Variants in JARID2 observed in about 807,000 individuals in gnomAD.
JARID2 encodes jumonji and AT-rich interaction domain containing 2, also known as protein Jumonji.
A neutral mutation model predicts 125.6 loss-of-function variants in JARID2; 21 were observed. The observed-to-expected ratio is 0.17, with a 90% confidence interval of 0.12 to 0.24. The LOEUF is 0.24. JARID2 is among the 10% of genes least tolerant of loss of function. The pLI is 1.00. For synonymous variants in JARID2, 736 were observed against 661.6 expected, an observed-to-expected ratio of 1.11 and a Z score of -1.73; for missense variants, 1,303 against 1,639.6, an observed-to-expected ratio of 0.79 and a Z score of 3.55.
intron 2 of JARID2, among the ~76,000 whole-genome samples, chr6:15,377,004 T>C (rs1225398255): frequency 6.6e-6 from 1 of 152,220 alleles, no homozygotes; most frequent in African/African-American, 2.4e-5. Flanking sequence ...TATGCGTGTA[T>C]GTATATGCAT....
chr6:15,513,862 T>C (rs1771403740), intron 16 of JARID2, among the ~76,000 whole-genome samples: 1 of 152,252 alleles, frequency 6.6e-6, no homozygotes. Context: ...CCTTTGGCTC[T>C]GTTCTTGGTT....
At chr6:15,329,523 T>C (rs1762637413) in intron 1 of JARID2, among the ~76,000 whole-genome samples, 1 of 152,200 alleles carries the variant, frequency 6.6e-6, no homozygotes, top group South Asian at 2.1e-4. Context: ...ATGGCCTCTT[T>C]TGCTGTCCTT....
chr6:15,476,445 C>T (rs1044338766), intron 5 of JARID2, among the ~76,000 whole-genome samples: 2 of 152,228 alleles, frequency 1.3e-5, no homozygotes, highest in African/African-American at 4.8e-5. Flanking sequence ...TACCCTTCTT[C>T]CTCCGAGCAG....
intron 16 of JARID2, among the ~76,000 whole-genome samples, chr6:15,514,423 C>T (rs1771447234): frequency 6.6e-6 from 1 of 152,246 alleles, no homozygotes; most frequent in Non-Finnish European, 1.5e-5. Context: ...TGTGTGGTGC[C>T]TGTGTCCCAC....
intron 1 of JARID2, among the ~76,000 whole-genome samples, chr6:15,335,515 T>A (rs1762849021): frequency 6.6e-6 from 1 of 152,228 alleles, no homozygotes; most frequent in South Asian, 2.1e-4. Flanking sequence ...TTGACTGTTT[T>A]AGAAGTTCTC....
At chr6:15,272,595 C>A (rs755331167) in intron 1 of JARID2, among the ~76,000 whole-genome samples, 1 of 152,206 alleles carries the variant, frequency 6.6e-6, no homozygotes, top group Non-Finnish European at 1.5e-5. Context: ...GGAAACAAAG[C>A]AGGTAAAGGG....
intron 1 of JARID2, among the ~76,000 whole-genome samples, chr6:15,255,394 C>T (rs879489751): frequency 1.3e-5 from 2 of 152,078 alleles, no homozygotes; most frequent in African/African-American, 4.8e-5. Context: ...TGAGCCACTG[C>T]GCCTGGCCCA....
At chr6:15,256,337 C>A (rs988603543) in intron 1 of JARID2, among the ~76,000 whole-genome samples, 1 of 152,140 alleles carries the variant, frequency 6.6e-6, no homozygotes, top group African/African-American at 2.4e-5. Flanking sequence ...CTACCTCTGT[C>A]CTATATTAGC....
intron 1 of JARID2, among the ~76,000 whole-genome samples, chr6:15,368,887 C>T (rs1030913712): frequency 6.6e-6 from 1 of 152,098 alleles, no homozygotes; most frequent in Non-Finnish European, 1.5e-5. Flanking sequence ...GAAACTTGAC[C>T]GTGTACCAGA....
In JARID2 at chr6:15,496,268, C is replaced by G; in HGVS notation, c.1043C>G (p.Thr348Arg). The G allele has an allele frequency of 6.2e-7, 1 of 1,614,208 alleles. No homozygotes were observed. The highest frequency in any genetic ancestry group is 8.5e-7 in the Non-Finnish European group (1 of 1,180,042). The change falls in exon 7 of 18, where the codon ACA becomes AGA. Residue 348 changes from threonine to arginine, a missense_variant. Coordinates refer to ENST00000341776, the MANE Select transcript of JARID2 (RefSeq NM_004973.4). ...YTATVTKGAV[T>R]YTKAKRELVK... ...GCCACGGTGACGAAGGGGGCTGTCACATACACCAAAGCCAAGAGAGAACTG... is the reference window on the plus strand; with the variant it reads ...GCCACGGTGACGAAGGGGGCTGTCAGATACACCAAAGCCAAGAGAGAACTG...
At chr6:15,338,597 A>G (rs1457160829) in intron 1 of JARID2, among the ~76,000 whole-genome samples, 1 of 152,198 alleles carries the variant, frequency 6.6e-6, no homozygotes, top group Non-Finnish European at 1.5e-5. Context: ...TTGCTGTCTC[A>G]GGGAAGGCTG....
chr6:15,290,188 G>C (rs544189924), intron 1 of JARID2, among the ~76,000 whole-genome samples: 1 of 152,264 alleles, frequency 6.6e-6, no homozygotes, highest in East Asian at 1.9e-4. Context: ...ATTATTTTCA[G>C]CATAATGGTC....
intron 3 of JARID2, among the ~76,000 whole-genome samples, chr6:15,433,322 T>G (rs1023303193): frequency 6.6e-6 from 1 of 152,078 alleles, no homozygotes; most frequent in Non-Finnish European, 1.5e-5. Context: ...AGAAAAGTAA[T>G]AATGTCTTTC....
At chr6:15,511,539 C>G in intron 13 of JARID2, 138 bp downstream of exon 13, 2 of 650,396 alleles carry the variant, frequency 3.1e-6, no homozygotes, top group Non-Finnish European at 5.5e-6. Flanking sequence ...GGGAAAGGTC[C>G]TCTGACACAA....
At chr6:15,468,799 A>T (rs1187263683) in intron 5 of JARID2, 81 bp downstream of exon 5, 1 of 1,412,046 alleles carries the variant, frequency 7.1e-7, no homozygotes, top group African/African-American at 1.4e-5. Context: ...CTGAGAAGAG[A>T]TGAGATGAAG....
chr6:15,313,143 C>T (rs1343941374), intron 1 of JARID2, among the ~76,000 whole-genome samples: 2 of 152,088 alleles, frequency 1.3e-5, no homozygotes, highest in Non-Finnish European at 2.9e-5. Flanking sequence ...TACATTACAC[C>T]TGTCCTCTGC....
chr6:15,322,774 G>C (rs555195457), intron 1 of JARID2, among the ~76,000 whole-genome samples: 2 of 152,302 alleles, frequency 1.3e-5, no homozygotes, highest in South Asian at 4.1e-4. Context: ...GGTGAACCCT[G>C]GGGGTAGCAG....
chr6:15,509,400 C>T (rs528157554), intron 12 of JARID2: 8 of 977,164 alleles, frequency 8.2e-6, no homozygotes, highest in Middle Eastern at 5.3e-4. Context: ...GAGCCAGCGT[C>T]GGCTGCAGCC....
intron 1 of JARID2, among the ~76,000 whole-genome samples, chr6:15,252,359 A>G (rs556320037): frequency 1.5e-4 from 23 of 152,304 alleles, no homozygotes; most frequent in African/African-American, 5.3e-4. Context: ...CCCATTAACT[A>G]ACCAACTTCT....
Sources: gnomAD v4.1 joint callset for allele counts (sites outside exome capture counted in the v4.1 genomes callset) on GRCh38, gnomAD v4.1.1 for gene constraint, MANE v1.5 for transcripts, NCBI Gene and HGNC (gene_info 2026-07-23, HGNC 2026-07-21) for gene names.